The following GAS2 variants were observed in gnomAD, a reference collection of about 807,000 sequenced individuals.
GAS2 encodes the protein growth arrest specific 2.
GAS2 carries 20 observed loss-of-function variants against 37.5 expected under a neutral mutation model. The observed-to-expected ratio is 0.53, with a 90% CI of 0.37 to 0.77. The LOEUF is 0.77. GAS2 is among the 30% of genes least tolerant of loss of function. The pLI is 0.00. For synonymous variants in GAS2, 144 were observed against 132.2 expected (o/e 1.09, Z -0.61); for missense variants, 336 against 373.4 (o/e 0.90, Z 0.82).
intron 1 of GAS2, among the ~76,000 whole-genome samples, chr11:22,668,568 A>AG (rs575512284): frequency 1.4e-3 from 214 of 152,352 alleles, no homozygotes; most frequent in African/African-American, 5.0e-3. Context: ...ATATTTCACC[A>AG]GGTGCAAAAG....
intron 3 of GAS2, among the ~76,000 whole-genome samples, chr11:22,714,713 C>A (rs1851577033): frequency 6.6e-6 from 1 of 152,072 alleles, no homozygotes; most frequent in South Asian, 2.1e-4. Context: ...CCAAATAGAA[C>A]CCTTAAAGCT....
At chr11:22,765,449 A>G (rs1286941793) in intron 7 of GAS2, among the ~76,000 whole-genome samples, 1 of 152,152 alleles carries the variant, frequency 6.6e-6, no homozygotes, top group African/African-American at 2.4e-5. Flanking sequence ...CTATATACAT[A>G]TACTGCATTA....
chr11:22,723,268 A>G (rs946320563), intron 3 of GAS2, among the ~76,000 whole-genome samples: 1 of 151,932 alleles, frequency 6.6e-6, no homozygotes, highest in African/African-American at 2.4e-5. Context: ...CAAGTTTTGG[A>G]GTATCAATAG....
chr11:22,648,566 T>C (rs1848732732), intron 1 of GAS2, among the ~76,000 whole-genome samples: 1 of 152,198 alleles, frequency 6.6e-6, no homozygotes, highest in Admixed American at 6.5e-5. Context: ...GCATGGAATG[T>C]TCTTCCATTT....
intron 1 of GAS2, among the ~76,000 whole-genome samples, chr11:22,629,124 A>G (rs1375742467): frequency 1.3e-5 from 2 of 152,258 alleles, no homozygotes; most frequent in African/African-American, 2.4e-5. Context: ...TTATGCTGTG[A>G]TAAACATATA....
intron 7 of GAS2, among the ~76,000 whole-genome samples, chr11:22,774,489 G>A (rs986395191): frequency 2.0e-5 from 3 of 152,168 alleles, no homozygotes; most frequent in Admixed American, 6.5e-5. Flanking sequence ...ATGAAAATGT[G>A]GTTAGTATGA....
chr11:22,632,494 A>G (rs1224985342), intron 1 of GAS2, among the ~76,000 whole-genome samples: 1 of 151,672 alleles, frequency 6.6e-6, no homozygotes, highest in Non-Finnish European at 1.5e-5. Flanking sequence ...TTTTCTTCAC[A>G]TTGATTTTAG....
intron 7 of GAS2, among the ~76,000 whole-genome samples, chr11:22,778,035 G>T (rs1232130798): frequency 1.3e-5 from 2 of 152,086 alleles, no homozygotes; most frequent in East Asian, 1.9e-4. Context: ...GGCTATTAAT[G>T]GAATAGAGGG....
chr11:22,636,613 C>T (rs1858824931), intron 1 of GAS2, among the ~76,000 whole-genome samples: 2 of 152,010 alleles, frequency 1.3e-5, no homozygotes, highest in Admixed American at 6.6e-5. Context: ...ATAACATTCT[C>T]TAATGACAGA....
At chr11:22,735,137 T>A (rs938140782) in intron 4 of GAS2, among the ~76,000 whole-genome samples, 1 of 151,274 alleles carries the variant, frequency 6.6e-6, no homozygotes, top group African/African-American at 2.4e-5. Context: ...TTGTAGTCAC[T>A]AAGTCCTTTC....
chr11:22,786,410 A>G (rs1855820318), intron 7 of GAS2, among the ~76,000 whole-genome samples: 1 of 152,102 alleles, frequency 6.6e-6, no homozygotes, highest in Non-Finnish European at 1.5e-5. Context: ...AAGTCCTCCT[A>G]TGTCCATTAA....
chr11:22,759,234 G>T (rs904283826), intron 7 of GAS2, among the ~76,000 whole-genome samples: 3 of 152,178 alleles, frequency 2.0e-5, no homozygotes, highest in Non-Finnish European at 4.4e-5. Flanking sequence ...CATATGTCTT[G>T]TCTGTGGGTT....
chr11:22,661,553 A>G (rs1180240665), intron 1 of GAS2, among the ~76,000 whole-genome samples: 1 of 152,232 alleles, frequency 6.6e-6, no homozygotes, highest in Non-Finnish European at 1.5e-5. Context: ...CACAAAAAAT[A>G]TCTCTACCAG....
chr11:22,769,087 G>A (rs930657737), intron 7 of GAS2, among the ~76,000 whole-genome samples: 5 of 152,140 alleles, frequency 3.3e-5, no homozygotes, highest in African/African-American at 1.2e-4. Flanking sequence ...AACTCATATG[G>A]CAGACAGTTT....
intron 3 of GAS2, among the ~76,000 whole-genome samples, chr11:22,723,907 G>T: frequency 6.6e-6 from 1 of 150,620 alleles, no homozygotes; most frequent in Non-Finnish European, 1.5e-5. Context: ...TTTTAAATTT[G>T]GTAGTATTGA....
At chr11:22,671,733 T>A (rs1849208806) in intron 1 of GAS2, among the ~76,000 whole-genome samples, 1 of 152,212 alleles carries the variant, frequency 6.6e-6, no homozygotes, top group South Asian at 2.1e-4. Context: ...ACAAGGAGGG[T>A]AAAATTCCAT....
intron 1 of GAS2, among the ~76,000 whole-genome samples, chr11:22,670,705 G>A (rs1326563762): frequency 6.6e-6 from 1 of 152,024 alleles, no homozygotes; most frequent in Non-Finnish European, 1.5e-5. Flanking sequence ...TTCAGCCTCC[G>A]TTGTATATAG....
At chr11:22,649,151 C>T (rs935919547) in intron 1 of GAS2, among the ~76,000 whole-genome samples, 4 of 151,118 alleles carry the variant, frequency 2.6e-5, no homozygotes, top group Non-Finnish European at 5.9e-5. Flanking sequence ...TGTCAAAGGC[C>T]TTTTCTGCAT....
At chr11:22,677,696 A>ATCAGGAGACCTGGCTCCTAACTGGGCG (rs1376832547) in intron 2 of GAS2, among the ~76,000 whole-genome samples, 10 of 152,138 alleles carry the variant, frequency 6.6e-5, no homozygotes, top group Admixed American at 6.6e-4. Flanking sequence ...TGGATTAAAA[A>ATCAGGAGACCTGGCTCCTAACTGGGCG]TCAGGAGACC....
Sources: allele counts gnomAD v4.1 joint callset (sites outside exome capture counted in the v4.1 genomes callset), GRCh38; gene constraint gnomAD v4.1.1; transcripts MANE v1.5; gene names NCBI Gene and HGNC (gene_info 2026-07-23, HGNC 2026-07-21).